Variants in RMC1 observed in about 807,000 individuals in gnomAD.
RMC1 encodes the protein regulator of MON1-CCZ1.
A neutral mutation model predicts 95.5 loss-of-function variants in RMC1; 44 were observed. The observed-to-expected ratio is 0.46, with a 90% CI of 0.36 to 0.59. The LOEUF (loss-of-function observed/expected upper bound fraction) is 0.59, where lower values mean the gene tolerates loss of function less well. RMC1 is among the 20% of genes least tolerant of loss of function. RMC1 has a pLI of 0.00. For missense variants in RMC1, 705 were observed against 819.6 expected (o/e 0.86, Z 1.71); for synonymous variants, 320 against 303.6 (o/e 1.05, Z -0.56).
rs977578807 is a variant in RMC1 at position 23,505,743 on chromosome 18, A to G, written c.180-1227A>G. ...GGCATTGCATAGGCAATCAAGGGATACTTAGGAAGATGGGTCTCTCGTAAG... is the reference window on the plus strand; with the variant it reads ...GGCATTGCATAGGCAATCAAGGGATGCTTAGGAAGATGGGTCTCTCGTAAG... On this transcript the variant is annotated intron_variant, in intron 2 of 19. Coordinates refer to ENST00000269221, the MANE Select transcript of RMC1 (RefSeq NM_013326.5). 6.0e-4 allele frequency among the ~76,000 whole-genome samples: 92 copies of G among 152,118 alleles called. 1 individual carries two copies. Among genetic ancestry groups the G allele is most frequent in the Non-Finnish European group, 4.6e-4 (31 of 68,026 alleles).
chr18:23,513,103 G>C (rs755069141), intron 5 of RMC1, among the ~76,000 whole-genome samples: 1 of 151,994 alleles, frequency 6.6e-6, no homozygotes, highest in Non-Finnish European at 1.5e-5. Flanking sequence ...ACAGGTGTGC[G>C]CCACCACGCC....
rs186304456 is a variant in RMC1, at chr18:23,513,847, G to A, written c.409-2009G>A. Among the ~76,000 whole-genome samples the A allele has an allele frequency of 1.4e-3, 212 of 152,198 alleles. 1 individual carries two copies. The highest frequency in any genetic ancestry group is 2.6e-3 in the Non-Finnish European group (176 of 68,016). On this transcript the variant is annotated intron_variant, in intron 5 of 19. Transcript: ENST00000269221. ...TCATCTTTGGAGAAATGACTAATTCGGGTCATTGTGCCTATTTTTAAAATC... is the reference window on the plus strand; with the variant it reads ...TCATCTTTGGAGAAATGACTAATTCAGGTCATTGTGCCTATTTTTAAAATC...
rs148730292 is a variant in RMC1, at chr18:23,516,212, G to T, written c.550-108G>T. On this transcript the variant is annotated intron_variant, in intron 6 of 19. Transcript: ENST00000269221. ...GAGAGGACATGGGGGACGGTGGAAA[G>T]GATCCAAAGACGAAGTCTGTGTTTA... The T allele has an allele frequency of 1.8e-3, 2,552 of 1,407,758 alleles. 5 individuals are homozygous for T. The highest frequency in any genetic ancestry group is 3.3e-3 in the South Asian group (282 of 84,384). The allele number at this position is 1,407,758 out of a possible 1,614,324, so 87.2% of individuals were successfully genotyped here.
chr18:23,520,128 A>G (rs1567924209), intron 9 of RMC1, 74 bp from the exon 10 acceptor site: 16 of 1,117,132 alleles, frequency 1.4e-5, no homozygotes, highest in Non-Finnish European at 2.2e-5. Flanking sequence ...TTAAACAGCA[A>G]GATGGGATGG....
chr18:23,521,107 G>A (rs1450053774), intron 10 of RMC1, among the ~76,000 whole-genome samples: 3 of 151,950 alleles, frequency 2.0e-5, no homozygotes, highest in Non-Finnish European at 4.4e-5. Flanking sequence ...CGCCTGCCTC[G>A]CTCTCCCAAA....
At position 23,503,623 on chromosome 18, in the gene RMC1, G is replaced by T; in HGVS notation, c.5G>T (p.Gly2Val). 6.4e-7 allele frequency: 1 copy of T among 1,560,208 alleles called. No homozygotes were observed. Among genetic ancestry groups the T allele is most frequent in the Non-Finnish European group, 8.7e-7 (1 of 1,154,110 alleles). The change falls in exon 1 of 20, where the codon GGC (glycine) becomes GTC (valine). Residue 2 changes from glycine to valine, a missense_variant. By Grantham distance (109) the Gly-to-Val change is moderately radical. Coordinates refer to ENST00000269221, the MANE Select transcript of RMC1 (RefSeq NM_013326.5). Reference protein sequence around the residue: MGEEDYYLELCE... With the variant: MVEEDYYLELCE... ...GCCGCGGGCGCGGCGCCCGCCATGG[G>T]CGAGGAGGACTACTATCTGGAGCTG...
chr18:23,529,573 G>A, intron 15 of RMC1, 62 bp from the exon 16 acceptor site: 1 of 1,438,544 alleles, frequency 7.0e-7, no homozygotes, highest in African/African-American at 1.4e-5. Flanking sequence ...TGGATAGAGA[G>A]TTATATGCAG....
chr18:23,506,686 G>T, intron 2 of RMC1: 1 of 322,778 alleles, frequency 3.1e-6, no homozygotes, highest in Non-Finnish European at 5.8e-6. Context: ...TCCTGAGCGG[G>T]TCTATAGTTA....
At chr18:23,507,273 T>G (rs1447955296) in intron 3 of RMC1, among the ~76,000 whole-genome samples, 2 of 152,198 alleles carry the variant, frequency 1.3e-5, no homozygotes, top group African/African-American at 4.8e-5. Flanking sequence ...ATTAAAAATT[T>G]TTTTTTGAGC....
intron 13 of RMC1, 121 bp downstream of exon 13, chr18:23,526,886 A>C: frequency 7.5e-7 from 1 of 1,334,100 alleles, no homozygotes; most frequent in East Asian, 2.4e-5. Context: ...CTCATTCTTT[A>C]TGTGAGGGGT....
intron 2 of RMC1, among the ~76,000 whole-genome samples, chr18:23,506,026 G>A (rs1875706539): frequency 1.3e-5 from 2 of 152,114 alleles, no homozygotes; most frequent in South Asian, 4.1e-4. Flanking sequence ...AATTAGCCAG[G>A]TGTGGTGGCA....
intron 3 of RMC1, among the ~76,000 whole-genome samples, chr18:23,507,687 T>C (rs1352246141): frequency 6.6e-6 from 1 of 152,178 alleles, no homozygotes; most frequent in East Asian, 1.9e-4. Context: ...AGCCTCTTAG[T>C]GCAGCAACAC....
chr18:23,504,531 T>C (rs538238793), intron 2 of RMC1, 84 bp downstream of exon 2: 1 of 1,310,568 alleles, frequency 7.6e-7, no homozygotes, highest in African/African-American at 1.5e-5. Context: ...TATAATTTTG[T>C]CATTTGGTCT....
In RMC1 at chr18:23,528,637, G is replaced by A. The variant is rs181332898; in HGVS notation, c.1297-542G>A. ...AGTGTCCATTCCTACGCTGCCAGAC[G>A]TGAGGGATGGCTGAGTCCTTTTGGA... On this transcript the variant is annotated intron_variant, in intron 14 of 19. Transcript: ENST00000269221. 47 of 153,424 alleles carry A rather than the reference G, an allele frequency of 3.1e-4. 1 individual carries two copies. Among genetic ancestry groups the A allele is most frequent in the Admixed American group, 3.0e-3 (47 of 15,410 alleles). 9.5% of individuals were successfully genotyped at this position (153,424 alleles called of 1,614,324 possible). A position where few individuals can be genotyped will look rare whatever the true frequency, so the allele number is the denominator to read the frequency against.
In RMC1 at chr18:23,526,817, C is replaced by T. The variant is rs1418157432; in HGVS notation, c.1189+52C>T. Reference sequence around the variant, plus strand: ...TGATTCCAGTGTGAGGCCTGTGCTGCCCAACACTTTTTATCGGGATGTGGG... The same window carrying T: ...TGATTCCAGTGTGAGGCCTGTGCTGTCCAACACTTTTTATCGGGATGTGGG... On this transcript the variant is annotated intron_variant, in intron 13 of 19. Transcript: ENST00000269221. 5 of 1,591,456 alleles carry T rather than the reference C, an allele frequency of 3.1e-6. No homozygotes were observed. The East Asian group carries it at 6.7e-5, about 21-fold the overall frequency.
intron 16 of RMC1, 146 bp from the exon 17 acceptor site, chr18:23,529,882 G>C (rs764935075): frequency 4.8e-6 from 5 of 1,034,242 alleles, no homozygotes; most frequent in Non-Finnish European, 7.3e-6. Flanking sequence ...AGGTCAAGTT[G>C]GGGTCTTTAC....
At chr18:23,526,514 A>G (rs2058301816) in intron 12 of RMC1, 123 bp from the exon 13 acceptor site, 2 of 1,153,982 alleles carry the variant, frequency 1.7e-6, no homozygotes, top group African/African-American at 1.6e-5. Context: ...AGCTACACTG[A>G]CTGTACTTTG....
chr18:23,526,743 C>A lies in RMC1; in HGVS notation c.1167C>A (p.Val389=). Residue 389 remains valine (V), a synonymous_variant, in exon 13 of 20, where the codon GTC becomes GTA. Coordinates refer to ENST00000269221, the MANE Select transcript of RMC1 (RefSeq NM_013326.5). ...TCCAGAGAAAGGAATGCAAGATGGT[C>A]ATCCTGTCTGTCTGTTCACAGAGTA... ...FLLQRKECKM[V]ILSVCSQMLS... is the part of the protein sequence containing the mutation. The A allele has an allele frequency of 6.2e-7, 1 of 1,614,092 alleles. No individual in the cohort carries two copies. Among genetic ancestry groups the A allele is most frequent in the South Asian group, 1.1e-5 (1 of 91,048 alleles).
At chr18:23,531,187 T>C (rs995270014) in intron 19 of RMC1, among the ~76,000 whole-genome samples, 2 of 152,046 alleles carry the variant, frequency 1.3e-5, no homozygotes, top group Non-Finnish European at 1.5e-5. Context: ...GATGGGGTTT[T>C]ACTATATTGT....
Sources: gnomAD v4.1 joint callset for allele counts (sites outside exome capture counted in the v4.1 genomes callset) on GRCh38, gnomAD v4.1.1 for gene constraint, MANE v1.5 for transcripts, NCBI Gene and HGNC (gene_info 2026-07-23, HGNC 2026-07-21) for gene names.